The following TRAIP variants were observed in gnomAD, a reference collection of about 807,000 sequenced individuals.
The protein encoded by TRAIP is E3 ubiquitin-protein ligase TRAIP.
TRAIP carries 37 observed loss-of-function variants against 65.0 expected under a neutral mutation model. The observed-to-expected ratio is 0.57, with a 90% CI of 0.44 to 0.75. The LOEUF (loss-of-function observed/expected upper bound fraction) is 0.75, where lower values mean the gene tolerates loss of function less well. Among genes scored for constraint, TRAIP ranks in the 30% least tolerant of loss-of-function variants. The probability of loss-of-function intolerance (pLI) is 0.00; values close to 1 mark genes in which losing one functional copy is unlikely to be tolerated. For missense variants in TRAIP, 481 were observed against 579.4 expected, an observed-to-expected ratio of 0.83 and a Z score of 1.74; for synonymous variants, 187 against 219.1, an observed-to-expected ratio of 0.85 and a Z score of 1.29.
intron 2 of TRAIP, among the ~76,000 whole-genome samples, chr3:49,847,830 C>T (rs2081898442): frequency 1.3e-5 from 2 of 151,946 alleles, no homozygotes; most frequent in African/African-American, 4.8e-5. Flanking sequence ...CATATTACTA[C>T]AGACCTACAC....
intron 10 of TRAIP, among the ~76,000 whole-genome samples, chr3:49,835,856 G>A (rs986556112): frequency 2.7e-5 from 4 of 150,576 alleles, no homozygotes; most frequent in East Asian, 4.0e-4. Context: ...GGAGAATAGC[G>A]TGAACCGGGG....
chr3:49,835,938 CAA>C (rs560923462), intron 10 of TRAIP, among the ~76,000 whole-genome samples: 9 of 123,968 alleles, frequency 7.3e-5, no homozygotes, highest in Non-Finnish European at 8.5e-5. Context: ...GACTCCATCT[CAA>C]AAAAAAAAAA....
intron 1 of TRAIP, among the ~76,000 whole-genome samples, chr3:49,852,005 A>G (rs1019792456): frequency 1.3e-5 from 2 of 151,466 alleles, no homozygotes; most frequent in African/African-American, 4.9e-5. Context: ...CCAAAAAAAC[A>G]TTTTTTTAAG....
In TRAIP at chr3:49,829,130, G is replaced by A; in HGVS notation, c.1383C>T (p.Ala461=). The stretch of plus-strand genomic sequence containing the variant: ...ACGACCACAGGAAGGTGTCCAGCTT[G>A]GCCTGGAAGAGAGAAGGCACTGTCT... ...RVKTVPSLFQ[A]KLDTFLWS Residue 461 remains alanine, a synonymous_variant, in exon 15 of 15, where the codon GCC becomes GCT. Coordinates refer to ENST00000331456, the MANE Select transcript of TRAIP (RefSeq NM_005879.3). The A allele has an allele frequency of 1.9e-6, 3 of 1,614,202 alleles. No individual in the cohort carries two copies. The highest frequency in any genetic ancestry group is 2.5e-6 in the Non-Finnish European group (3 of 1,180,040).
intron 10 of TRAIP, among the ~76,000 whole-genome samples, chr3:49,837,293 G>A (rs761592307): frequency 6.6e-6 from 1 of 152,036 alleles, no homozygotes; most frequent in African/African-American, 2.4e-5. Context: ...AGAAGAGGCT[G>A]TGCCTAGGCT....
At chr3:49,850,414 G>A (rs568908994) in intron 1 of TRAIP, among the ~76,000 whole-genome samples, 6 of 151,594 alleles carry the variant, frequency 4.0e-5, no homozygotes, top group Admixed American at 6.6e-5. Context: ...CAGAAGAATC[G>A]TTTGAACCTG....
At chr3:49,830,949 G>A (rs1452877141) in intron 11 of TRAIP, among the ~76,000 whole-genome samples, 1 of 152,214 alleles carries the variant, frequency 6.6e-6, no homozygotes. Context: ...CCATGAAGGT[G>A]GTGGAAATGT....
intron 10 of TRAIP, among the ~76,000 whole-genome samples, chr3:49,835,194 C>CA (rs2081770953): frequency 6.6e-6 from 1 of 152,130 alleles, no homozygotes; most frequent in South Asian, 2.1e-4. Context: ...GGCAACAGAG[C>CA]AAGACCCTGT....
chr3:49,848,154 A>C lies in TRAIP; in HGVS notation c.145T>G (p.Cys49Gly). 6.2e-7 allele frequency: 1 copy of C among 1,614,200 alleles called. No homozygotes were observed. The highest frequency in any genetic ancestry group is 1.1e-5 in the South Asian group (1 of 91,080). ...CCCAATACTCTCACCTGGATTCGGC[A>C]CTGTGGGCAGGTCCGACTTGGTGCT... ...ETAPSRTCPQ[C>G]RIQVGKRTII... The change falls in exon 2 of 15, where the codon TGC becomes GGC. Residue 49 changes from cysteine (C) to glycine (G), a missense_variant. Transcript: ENST00000331456.
At chr3:49,856,283 TG>T in intron 1 of TRAIP, 72 bp downstream of exon 1, 1 of 1,349,132 alleles carries the variant, frequency 7.4e-7, no homozygotes, top group Non-Finnish European at 1.0e-6. Context: ...TTGGACCGCC[TG>T]GAGGCCCAAC....
Position 49,843,854 on chromosome 3 carries a change from C to A in TRAIP, c.355G>T (p.Val119Leu), listed in dbSNP as rs778695510. The change falls in exon 5 of 15, where the codon GTA (valine) becomes TTA (leucine). Residue 119 changes from valine to leucine, a missense_variant. By Grantham distance (32) the Val-to-Leu change is conservative (BLOSUM62 1). Transcript: ENST00000331456. Reference protein sequence around the residue: ...DTLEERNATVVSLQQALGKAE... With the variant: ...DTLEERNATVLSLQQALGKAE... ...TTGCCCAAGGCCTGCTGCAGAGATA[C>A]CACAGTAGCATTGCGTTCTTCCAGC... 1.4e-5 allele frequency: 23 copies of A among 1,613,874 alleles called. No individual in the cohort carries two copies. The highest frequency in any genetic ancestry group is 1.8e-5 in the Non-Finnish European group (21 of 1,179,848).
Position 49,842,555 on chromosome 3 carries a change from G to T in TRAIP, c.409-8C>A, listed in dbSNP as rs745444564. 10 of 1,612,728 alleles carry T rather than the reference G, an allele frequency of 6.2e-6. No individual in the cohort carries two copies. Among genetic ancestry groups the T allele is most frequent in the Non-Finnish European group, 7.6e-6 (9 of 1,179,848 alleles). On this transcript the variant is annotated splice_polypyrimidine_tract_variant and splice_region_variant and intron_variant, in intron 5 of 14. Coordinates refer to ENST00000331456, the MANE Select transcript of TRAIP (RefSeq NM_005879.3). ...TAAGTACTTCATCTGCTTCTGAAGA[G>T]CAAATACACCCATACCTGATGCTTG...
Position 49,839,970 on chromosome 3 carries a change from G to A in TRAIP, c.796-110C>T, listed in dbSNP as rs2081824552. ...GAAAGGCCAGCCCACTGGGAACAGAGCAAGGCCTGATACCTCATCATTAGG... is the reference window on the plus strand; with the variant it reads ...GAAAGGCCAGCCCACTGGGAACAGAACAAGGCCTGATACCTCATCATTAGG... On this transcript the variant is annotated intron_variant, in intron 9 of 14. Transcript: ENST00000331456. 36 of 1,129,666 alleles carry A rather than the reference G, an allele frequency of 3.2e-5. No individual in the cohort carries two copies. In the South Asian group the frequency reaches 4.2e-4, roughly 13 times the overall value. The allele number at this position is 1,129,666 out of a possible 1,614,324, so 70.0% of individuals were successfully genotyped here.
In TRAIP at chr3:49,834,714, C is replaced by G. The variant is rs554814486; in HGVS notation, c.885-2646G>C. On this transcript the variant is annotated intron_variant, in intron 10 of 14. Transcript: ENST00000331456. ...GATGCCAGCAGTCTGCACATCCCCC[C>G]CAAACCCTACCCACATAGGTTGGCC... Among the ~76,000 whole-genome samples the G allele has an allele frequency of 2.1e-3, 314 of 152,314 alleles. 1 individual carries two copies. Among genetic ancestry groups the G allele is most frequent in the Non-Finnish European group, 3.5e-3 (235 of 68,024 alleles).
At chr3:49,841,129 G>T in intron 7 of TRAIP, 57 bp from the exon 8 acceptor site, 1 of 1,426,100 alleles carries the variant, frequency 7.0e-7, no homozygotes, top group Non-Finnish European at 9.9e-7. Context: ...GTCAGACTGA[G>T]CCACAGCACT....
At chr3:49,850,418 G>A (rs2081920597) in intron 1 of TRAIP, among the ~76,000 whole-genome samples, 1 of 151,588 alleles carries the variant, frequency 6.6e-6, no homozygotes, top group Non-Finnish European at 1.5e-5. Flanking sequence ...AGAATCGTTT[G>A]AACCTGGGAG....
At chr3:49,840,538 C>G (rs1331855180) in intron 8 of TRAIP, 165 bp from the exon 9 acceptor site, 5 of 609,660 alleles carry the variant, frequency 8.2e-6, no homozygotes, top group Non-Finnish European at 1.2e-5. Context: ...AATGCACATC[C>G]GGAGCTGCCT....
chr3:49,844,215 G>T (rs1175260725), intron 4 of TRAIP, among the ~76,000 whole-genome samples: 2 of 152,064 alleles, frequency 1.3e-5, no homozygotes, highest in Non-Finnish European at 2.9e-5. Flanking sequence ...ATCAACCCAG[G>T]ACTCAAGCAG....
intron 9 of TRAIP, 74 bp from the exon 10 acceptor site, chr3:49,839,934 G>T: frequency 6.9e-7 from 1 of 1,456,778 alleles, no homozygotes; most frequent in Non-Finnish European, 9.6e-7. Context: ...GAGGACATGA[G>T]CAGCATGCAT....
Sources: gnomAD v4.1 joint callset for allele counts (sites outside exome capture counted in the v4.1 genomes callset) on GRCh38, gnomAD v4.1.1 for gene constraint, MANE v1.5 for transcripts, NCBI Gene and HGNC (gene_info 2026-07-23, HGNC 2026-07-21) for gene names.